The following GDI2 variants were observed in gnomAD, a reference collection of about 807,000 sequenced individuals.
The protein encoded by GDI2 is GDP dissociation inhibitor 2.
In GDI2, 22 loss-of-function variants were observed where a neutral mutation model predicts 54.2. That is an observed-to-expected ratio of 0.41 (90% CI 0.29 to 0.58). The LOEUF is 0.58. Among genes scored for constraint, GDI2 ranks in the 20% least tolerant of loss-of-function variants. GDI2 has a pLI of 0.35. For synonymous variants in GDI2, 177 were observed against 182.1 expected, an observed-to-expected ratio of 0.97 and a Z score of 0.23; for missense variants, 422 against 546.0, an observed-to-expected ratio of 0.77 and a Z score of 2.26.
chr10:5,810,198 G>A (rs1451763120), intron 1 of GDI2, among the ~76,000 whole-genome samples: 1 of 152,166 alleles, frequency 6.6e-6, no homozygotes, highest in Non-Finnish European at 1.5e-5. Flanking sequence ...TGTAAAGCAA[G>A]TTTTTAAACA....
rs1840573388 is a variant in GDI2, at chr10:5,774,523, T to C, written c.720-582A>G. ...CCCCATACACGGTTTTCTTCTCCCCTTTCCACTCTCCCGCTTGCTAACCAA... is the reference window on the plus strand; with the variant it reads ...CCCCATACACGGTTTTCTTCTCCCCCTTCCACTCTCCCGCTTGCTAACCAA... On this transcript the variant is annotated intron_variant, in intron 6 of 10. Coordinates refer to ENST00000380191, the MANE Select transcript of GDI2 (RefSeq NM_001494.4). The surrounding 1 kb of genome is among the most constrained non-coding windows in gnomAD (Gnocchi z 4.8). Among the ~76,000 whole-genome samples, 1 of 152,094 alleles carries C rather than the reference T, an allele frequency of 6.6e-6. No individual in the cohort carries two copies. Among genetic ancestry groups the C allele is most frequent in the African/African-American group, 2.4e-5 (1 of 41,412 alleles).
At chr10:5,795,170 C>T (rs1018852104) in intron 3 of GDI2, 151 bp from the exon 4 acceptor site, 3 of 611,554 alleles carry the variant, frequency 4.9e-6, no homozygotes, top group Non-Finnish European at 8.6e-6. Context: ...CCTCTGTTGC[C>T]CAGGCTACAG....
chr10:5,786,518 CACA>C, intron 4 of GDI2, among the ~76,000 whole-genome samples: 1 of 152,138 alleles, frequency 6.6e-6, no homozygotes, highest in East Asian at 1.9e-4. Context: ...CTTCCAGTTT[CACA>C]ACACCTTAAA....
chr10:5,791,452 CAT>C (rs1181776801), intron 4 of GDI2, among the ~76,000 whole-genome samples: 4 of 151,408 alleles, frequency 2.6e-5, no homozygotes, highest in Admixed American at 2.6e-4. Flanking sequence ...TCTACTAAAA[CAT>C]ACAAAAATTA....
intron 4 of GDI2, among the ~76,000 whole-genome samples, chr10:5,794,172 G>GAAA (rs1256206663): frequency 9.7e-4 from 27 of 27,946 alleles, no homozygotes; most frequent in Non-Finnish European, 1.2e-3. Context: ...GTCTTTAAAA[G>GAAA]AAAAAAAAAA....
At chr10:5,779,404 AGG>A (rs900070834) in intron 6 of GDI2, among the ~76,000 whole-genome samples, 14 of 152,018 alleles carry the variant, frequency 9.2e-5, no homozygotes, top group African/African-American at 3.4e-4. Context: ...GCTACTTGGG[AGG>A]CTGAGGCAGG....
Position 5,766,684 on chromosome 10 carries a change from G to A in GDI2, c.992-46C>T. 1.3e-6 allele frequency: 2 copies of A among 1,535,980 alleles called. No individual in the cohort carries two copies. The highest frequency in any genetic ancestry group is 9.0e-7 in the Non-Finnish European group (1 of 1,109,904). On this transcript the variant is annotated intron_variant, in intron 8 of 10. Transcript: ENST00000380191. This position sits in a 1 kb window ranked among gnomAD's most constrained non-coding sequence, Gnocchi z 5.8. ...CTCACTGCCTCAAGTGTCTCCATCTGGGACCCAACATACTCAGGTATCACC... is the reference window on the plus strand; with the variant it reads ...CTCACTGCCTCAAGTGTCTCCATCTAGGACCCAACATACTCAGGTATCACC...
intron 4 of GDI2, among the ~76,000 whole-genome samples, chr10:5,791,574 C>G (rs1841013807): frequency 6.6e-6 from 1 of 152,016 alleles, no homozygotes; most frequent in African/African-American, 2.4e-5. Flanking sequence ...ATGGAGAAAC[C>G]CCGTCTCTAC....
chr10:5,793,384 T>G lies in GDI2; in HGVS notation c.388+1501A>C. ...AAATTTTCATAGTCATTTAAAAGAT[T>G]TAAAATAATTTCGAACCCATGATTA... On this transcript the variant is annotated intron_variant, in intron 4 of 10. Coordinates refer to ENST00000380191, the MANE Select transcript of GDI2 (RefSeq NM_001494.4). 1.3e-5 allele frequency among the ~76,000 whole-genome samples: 2 copies of G among 152,190 alleles called. 1 individual carries two copies. Among genetic ancestry groups the G allele is most frequent in the East Asian group, 3.8e-4 (2 of 5,198 alleles).
chr10:5,776,645 C>A lies in GDI2; in HGVS notation c.720-2704G>T. On this transcript the variant is annotated intron_variant, in intron 6 of 10. Transcript: ENST00000380191. The surrounding 1 kb of genome is among the most constrained non-coding windows in gnomAD (Gnocchi z 5.3). ...TCTAAATGGTCCAATAGAAAAGGAG[C>A]TGGATGTAGATGCTGATTTTGTAGA... 6.7e-7 allele frequency: 1 copy of A among 1,483,292 alleles called. No homozygotes were observed. Among genetic ancestry groups the A allele is most frequent in the Admixed American group, 1.7e-5 (1 of 58,522 alleles). 91.9% of individuals were successfully genotyped at this position (1,483,292 alleles called of 1,614,324 possible).
At chr10:5,808,605 G>A (rs902984520) in intron 1 of GDI2, among the ~76,000 whole-genome samples, 3 of 151,320 alleles carry the variant, frequency 2.0e-5, no homozygotes, top group Middle Eastern at 3.2e-3. Flanking sequence ...GAACCGGGGA[G>A]GCAGAGGTTG....
chr10:5,806,416 A>G (rs887410281), intron 1 of GDI2, among the ~76,000 whole-genome samples: 1 of 151,468 alleles, frequency 6.6e-6, no homozygotes, highest in Non-Finnish European at 1.5e-5. Context: ...AAAAAAAAAA[A>G]AACAAAAAAA....
intron 1 of GDI2, among the ~76,000 whole-genome samples, chr10:5,811,688 C>A (rs1841482032): frequency 6.7e-6 from 1 of 149,486 alleles, no homozygotes; most frequent in Non-Finnish European, 1.5e-5. Context: ...ACAAAACCTG[C>A]AGTGGGTAGG....
At chr10:5,799,970 C>T (rs188105657) in intron 2 of GDI2, among the ~76,000 whole-genome samples, 77 of 152,208 alleles carry the variant, frequency 5.1e-4, no homozygotes, top group Middle Eastern at 3.4e-3. Flanking sequence ...TTCAGTATTA[C>T]TGAATATAGA....
At chr10:5,804,667 G>A (rs1366307323) in intron 1 of GDI2, among the ~76,000 whole-genome samples, 5 of 152,144 alleles carry the variant, frequency 3.3e-5, no homozygotes, top group African/African-American at 1.2e-4. Flanking sequence ...CCAGAGATGA[G>A]ACAAATCCAG....
intron 2 of GDI2, among the ~76,000 whole-genome samples, chr10:5,798,529 C>T (rs1007022677): frequency 1.3e-5 from 2 of 150,454 alleles, no homozygotes; most frequent in African/African-American, 4.9e-5. Flanking sequence ...GTGGAGGTTG[C>T]ACTGAGCTAA....
chr10:5,786,615 T>C lies in GDI2; in HGVS notation c.389-565A>G, dbSNP rs1221139593. On this transcript the variant is annotated intron_variant, in intron 4 of 10. Transcript: ENST00000380191. ...TAATTAAAACTACTACTTAACTGAA[T>C]GAAAAATGTCAAATTATGTTTCTTA... 7.2e-5 allele frequency among the ~76,000 whole-genome samples: 11 copies of C among 152,204 alleles called. No individual in the cohort carries two copies. In the South Asian group the frequency reaches 1.7e-3, roughly 23 times the overall value.
chr10:5,765,781 C>T lies in GDI2; in HGVS notation c.*225G>A. 2.5e-6 allele frequency: 1 copy of T among 396,236 alleles called. No individual in the cohort carries two copies. Among genetic ancestry groups the T allele is most frequent in the South Asian group, 5.0e-5 (1 of 19,992 alleles). The allele number at this position is 396,236 out of a possible 1,614,324, so 24.5% of individuals were successfully genotyped here. On this transcript the variant is annotated 3_prime_UTR_variant, in exon 11 of 11. Coordinates refer to ENST00000380191, the MANE Select transcript of GDI2 (RefSeq NM_001494.4). Reference sequence around the variant, plus strand: ...TTAACTTCACTAGAAAAAAAAAAAGCCAGTTTGGTTAAATTGAACAGAATG... The same window carrying T: ...TTAACTTCACTAGAAAAAAAAAAAGTCAGTTTGGTTAAATTGAACAGAATG...
intron 4 of GDI2, among the ~76,000 whole-genome samples, chr10:5,794,372 T>C (rs1033619921): frequency 7.3e-5 from 11 of 151,340 alleles, no homozygotes; most frequent in Admixed American, 1.3e-4. Flanking sequence ...AGTAACATGA[T>C]TAAGCACCAG....
Sources: allele counts gnomAD v4.1 joint callset (sites outside exome capture counted in the v4.1 genomes callset), GRCh38; gene constraint gnomAD v4.1.1; non-coding constraint Gnocchi (gnomAD v3.1); transcripts MANE v1.5; gene names NCBI Gene and HGNC (gene_info 2026-07-23, HGNC 2026-07-21).